Variants in RBFOX1 observed in about 807,000 individuals in gnomAD.
RBFOX1 encodes the protein RNA binding protein fox-1 homolog 1.
RBFOX1 carries 8 observed loss-of-function variants against 57.7 expected under a neutral mutation model. The ratio of observed to expected loss-of-function variants is 0.14; its 90% CI spans 0.08 to 0.25. The LOEUF (loss-of-function observed/expected upper bound fraction) is 0.25. Ranked by LOEUF, RBFOX1 falls within the 10% of genes least tolerant of loss-of-function variation. The probability of loss-of-function intolerance (pLI) is 1.00; values close to 1 mark genes in which losing one functional copy is unlikely to be tolerated. For missense variants in RBFOX1, 611 were observed against 548.5 expected (o/e 1.11, Z -1.14); for synonymous variants, 326 against 222.4 (o/e 1.47, Z -4.15).
At chr16:7,234,998 C>T (rs552252155) in intron 4 of RBFOX1, among the ~76,000 whole-genome samples, 24 of 152,128 alleles carry the variant, frequency 1.6e-4, no homozygotes, top group African/African-American at 5.1e-4. Flanking sequence ...GTCCAAAAAA[C>T]GGAATGTCTA....
At chr16:5,445,423 A>G (rs886687739) in intron 1 of RBFOX1, among the ~76,000 whole-genome samples, 2 of 152,132 alleles carry the variant, frequency 1.3e-5, no homozygotes, top group Non-Finnish European at 2.9e-5. Flanking sequence ...CATGTCTCTT[A>G]TTTATGACTA....
At position 6,019,383 on chromosome 16, in the gene RBFOX1, T is replaced by C; in HGVS notation, c.-736T>C. ...TGGGACTGGCTGCGCTGCCCTGAAGTGGTTCTCCAAGCAGCGCGGAGGGTG... is the reference window on the plus strand; with the variant it reads ...TGGGACTGGCTGCGCTGCCCTGAAGCGGTTCTCCAAGCAGCGCGGAGGGTG... On this transcript the variant is annotated 5_prime_UTR_variant, in exon 1 of 16. Coordinates refer to ENST00000550418, the MANE Select transcript of RBFOX1 (RefSeq NM_018723.4). The surrounding 1 kb of genome is among the most constrained non-coding windows in gnomAD (Gnocchi z 4.2). The C allele has an allele frequency of 1.0e-6, 1 of 985,364 alleles. No homozygotes were observed. The highest frequency in any genetic ancestry group is 1.2e-6 in the Non-Finnish European group (1 of 830,170). 61.0% of individuals were successfully genotyped at this position (985,364 alleles called of 1,614,324 possible). A position where few individuals can be genotyped will look rare whatever the true frequency, so the allele number is the denominator to read the frequency against.
chr16:6,685,099 T>A (rs2059225472), intron 3 of RBFOX1, among the ~76,000 whole-genome samples: 1 of 152,156 alleles, frequency 6.6e-6, no homozygotes, highest in South Asian at 2.1e-4. Flanking sequence ...CATTTCCCTA[T>A]TTCCTGTCCA....
At chr16:6,250,888 T>A (rs748902370) in intron 1 of RBFOX1, among the ~76,000 whole-genome samples, 5 of 152,164 alleles carry the variant, frequency 3.3e-5, no homozygotes, top group Non-Finnish European at 7.4e-5. Context: ...CCAACCTGGT[T>A]GATTGTCCCT....
At chr16:6,220,730 C>A (rs367935292) in intron 1 of RBFOX1, among the ~76,000 whole-genome samples, 1,276 of 120,198 alleles carry the variant, frequency 0.011, 16 homozygotes, top group African/African-American at 0.027. Flanking sequence ...CCGCCCCCCC[C>A]CAGTGGAAAA....
chr16:7,184,155 A>G (rs2083267480), intron 4 of RBFOX1, among the ~76,000 whole-genome samples: 1 of 152,204 alleles, frequency 6.6e-6, no homozygotes, highest in Non-Finnish European at 1.5e-5. Context: ...TGAAGATCAT[A>G]AAAAGAGTAG....
intron 3 of RBFOX1, among the ~76,000 whole-genome samples, chr16:5,750,196 C>G (rs1465393666): frequency 6.6e-6 from 1 of 152,180 alleles, no homozygotes; most frequent in African/African-American, 2.4e-5. Flanking sequence ...TTCTGAACAG[C>G]AAATGTTGCT....
chr16:6,986,887 T>A (rs749633524), intron 3 of RBFOX1, among the ~76,000 whole-genome samples: 5 of 152,150 alleles, frequency 3.3e-5, no homozygotes, highest in Non-Finnish European at 7.4e-5. Flanking sequence ...GAATCTCAAG[T>A]TGCAGAGGGA....
chr16:5,438,304 C>A (rs1044823343), intron 1 of RBFOX1, among the ~76,000 whole-genome samples: 4 of 152,278 alleles, frequency 2.6e-5, no homozygotes, highest in South Asian at 2.1e-4. Context: ...GCAGTCAAGT[C>A]ACAGGTAGGA....
intron 1 of RBFOX1, among the ~76,000 whole-genome samples, chr16:5,252,782 C>G (rs1456462915): frequency 6.6e-6 from 1 of 152,218 alleles, no homozygotes; most frequent in Non-Finnish European, 1.5e-5. Flanking sequence ...AAAGCTTTCC[C>G]CAGCTCCTTC....
chr16:6,910,266 A>G (rs2071216919), intron 3 of RBFOX1, among the ~76,000 whole-genome samples: 1 of 152,142 alleles, frequency 6.6e-6, no homozygotes, highest in South Asian at 2.1e-4. Context: ...CATTTTCTCC[A>G]TACTTCCAGA....
At chr16:7,134,516 T>C (rs900235987) in intron 4 of RBFOX1, among the ~76,000 whole-genome samples, 8 of 152,196 alleles carry the variant, frequency 5.3e-5, no homozygotes. Flanking sequence ...CCCAGAGTTT[T>C]GTGATAGGTT....
chr16:5,823,543 C>A (rs1287599974), intron 3 of RBFOX1, among the ~76,000 whole-genome samples: 1 of 152,130 alleles, frequency 6.6e-6, no homozygotes, highest in East Asian at 1.9e-4. Flanking sequence ...TATTAGGAAC[C>A]CAACCACACA....
At chr16:6,973,020 A>C (rs886511140) in intron 3 of RBFOX1, among the ~76,000 whole-genome samples, 2 of 152,130 alleles carry the variant, frequency 1.3e-5, no homozygotes, top group African/African-American at 4.8e-5. Flanking sequence ...AATCCCAGCT[A>C]CTTGGGAGGC....
At chr16:6,757,468 A>G (rs2075981179) in intron 3 of RBFOX1, among the ~76,000 whole-genome samples, 1 of 152,210 alleles carries the variant, frequency 6.6e-6, no homozygotes, top group Non-Finnish European at 1.5e-5. Context: ...AGCCCTGAAA[A>G]AGGATGAAAT....
At chr16:6,489,863 C>G (rs1011188641) in intron 2 of RBFOX1, among the ~76,000 whole-genome samples, 3 of 152,190 alleles carry the variant, frequency 2.0e-5, no homozygotes, top group African/African-American at 7.2e-5. Context: ...TACAGGAGGG[C>G]ACAATTTGCA....
intron 4 of RBFOX1, among the ~76,000 whole-genome samples, chr16:5,870,251 G>A (rs2057437329): frequency 6.6e-6 from 1 of 151,208 alleles, no homozygotes; most frequent in South Asian, 2.1e-4. Flanking sequence ...GGGCAGAAAG[G>A]GACCTAATGG....
intron 2 of RBFOX1, among the ~76,000 whole-genome samples, chr16:6,570,683 T>C (rs1052420456): frequency 2.0e-5 from 3 of 152,218 alleles, no homozygotes; most frequent in Non-Finnish European, 4.4e-5. Flanking sequence ...CATATGTAGA[T>C]GATTTTGCAG....
At chr16:5,378,248 C>T (rs1326492270) in intron 1 of RBFOX1, among the ~76,000 whole-genome samples, 2 of 151,598 alleles carry the variant, frequency 1.3e-5, no homozygotes, top group Non-Finnish European at 2.9e-5. Context: ...GAGGGATCTC[C>T]TGGGATGTGG....
Sources: gnomAD v4.1 joint callset for allele counts (sites outside exome capture counted in the v4.1 genomes callset) on GRCh38, gnomAD v4.1.1 for gene constraint, Gnocchi (gnomAD v3.1) non-coding constraint, MANE v1.5 for transcripts, NCBI Gene and HGNC (gene_info 2026-07-23, HGNC 2026-07-21) for gene names.